ARSB: variants seen among roughly 807,000 people sequenced by gnomAD.
ARSB encodes arylsulfatase B.
A neutral mutation model predicts 50.9 loss-of-function variants in ARSB; 41 were observed. That is an observed-to-expected ratio of 0.81 (90% CI 0.63 to 1.04). ARSB has a LOEUF of 1.04. Ranked by LOEUF, ARSB falls within the 50% of genes least tolerant of loss-of-function variation. ARSB has a pLI of 0.00. For synonymous variants in ARSB, 269 were observed against 284.8 expected, an observed-to-expected ratio of 0.94 and a Z score of 0.56; for missense variants, 672 against 693.3, an observed-to-expected ratio of 0.97 and a Z score of 0.35.
chr5:78,985,119 G>A lies in ARSB; in HGVS notation c.130C>T (p.Pro44Ser), dbSNP rs773967601. Residue 44 changes from proline to serine, a missense_variant, in exon 1 of 8, where the codon CCG (proline) becomes TCG (serine). Physicochemically the swap from Pro to Ser is moderately conservative, Grantham distance 74. Coordinates refer to ENST00000264914, the MANE Select transcript of ARSB (RefSeq NM_000046.5). The stretch of plus-strand genomic sequence containing the variant: ...GCCAGCAAGAAGACCAGGTGGGGCG[G>A]CCGGCTGGCCCCGGCGCCCGAGCCC... Reference protein sequence around the residue: ...PPGSGAGASRPPHLVFLLADD... With the variant: ...PPGSGAGASRSPHLVFLLADD... 2.0e-6 allele frequency: 3 copies of A among 1,490,642 alleles called. No homozygotes were observed. Among genetic ancestry groups the A allele is most frequent in the East Asian group, 2.8e-5 (1 of 35,850 alleles). 92.3% of individuals were successfully genotyped at this position (1,490,642 alleles called of 1,614,324 possible).
Position 78,906,553 on chromosome 5 carries a change from C to A in ARSB, c.899-20726G>T, listed in dbSNP as rs10042203. 6.5e-3 allele frequency among the ~76,000 whole-genome samples: 982 copies of A among 152,234 alleles called. 5 individuals are homozygous for A. Among genetic ancestry groups the A allele is most frequent in the Non-Finnish European group, 9.6e-3 (653 of 67,996 alleles). On this transcript the variant is annotated intron_variant, in intron 4 of 7. Coordinates refer to ENST00000264914, the MANE Select transcript of ARSB (RefSeq NM_000046.5). ...TCCAAAACTCACCACACAAGGGATT[C>A]ATGAAGCTTTGACTTTATTCCCCAT... is the stretch of plus-strand genomic sequence containing the variant.
intron 6 of ARSB, among the ~76,000 whole-genome samples, chr5:78,802,896 A>G (rs1437658332): frequency 2.0e-5 from 3 of 152,190 alleles, no homozygotes; most frequent in African/African-American, 7.2e-5. Flanking sequence ...GGCCAGGATA[A>G]AACTGTGGTC....
intron 5 of ARSB, among the ~76,000 whole-genome samples, chr5:78,869,357 TAC>T (rs1746992443): frequency 7.1e-6 from 1 of 141,002 alleles, no homozygotes; most frequent in Non-Finnish European, 1.5e-5. Flanking sequence ...CAACAGAATA[TAC>T]ATTTTTTTCA....
At chr5:78,984,071 T>C (rs1180370476) in intron 1 of ARSB, among the ~76,000 whole-genome samples, 1 of 152,210 alleles carries the variant, frequency 6.6e-6, no homozygotes, top group Non-Finnish European at 1.5e-5. Context: ...GGACGACCAG[T>C]GGATGCAGGA....
chr5:78,788,790 A>G (rs552558497), intron 6 of ARSB, among the ~76,000 whole-genome samples: 1 of 152,072 alleles, frequency 6.6e-6, no homozygotes. Context: ...TAGAAAAAAA[A>G]TTTTTAAAGA....
At chr5:78,953,393 A>C (rs1467212468) in intron 4 of ARSB, among the ~76,000 whole-genome samples, 2 of 152,228 alleles carry the variant, frequency 1.3e-5, no homozygotes, top group Non-Finnish European at 2.9e-5. Flanking sequence ...TTCAGTTCTC[A>C]CATCTGCAAG....
chr5:78,958,992 T>C (rs572177535), intron 3 of ARSB, among the ~76,000 whole-genome samples: 2 of 152,318 alleles, frequency 1.3e-5, no homozygotes, highest in Admixed American at 1.3e-4. Flanking sequence ...CTAAATTTTG[T>C]CTATGTAAGT....
intron 6 of ARSB, among the ~76,000 whole-genome samples, chr5:78,804,262 A>G (rs1743491072): frequency 6.6e-6 from 1 of 152,256 alleles, no homozygotes; most frequent in South Asian, 2.1e-4. Context: ...GAAAAAAAAA[A>G]GTGTTTCACT....
intron 6 of ARSB, among the ~76,000 whole-genome samples, chr5:78,816,586 C>T (rs1346346038): frequency 2.6e-5 from 4 of 152,332 alleles, no homozygotes; most frequent in East Asian, 3.9e-4. Flanking sequence ...GGTTACTAAT[C>T]AGAGAGCATC....
Position 78,833,844 on chromosome 5 carries a change from C to T in ARSB, c.1213+5512G>A, listed in dbSNP as rs539287424. 5.3e-5 allele frequency among the ~76,000 whole-genome samples: 8 copies of T among 152,266 alleles called. No homozygotes were observed. In the South Asian group the frequency reaches 1.7e-3, roughly 32 times the overall value. On this transcript the variant is annotated intron_variant, in intron 6 of 7. Transcript: ENST00000264914. ...TGGCCGATCTTTTCAATGCAGGGAG[C>T]GATGAGGGTGGGCACTTAGAAGCTG...
chr5:78,981,914 C>CTTTTT lies in ARSB; in HGVS notation c.312+3018_312+3022dup, dbSNP rs1202455685. ...GACTGCCAAGTTCATAGATATGACT[C>CTTTTT]TTTTTTTTTTTTTTTTTTTTGAGAC... On this transcript the variant is annotated intron_variant, in intron 1 of 7. Transcript: ENST00000264914. 5.6e-5 allele frequency among the ~76,000 whole-genome samples: 3 copies of CTTTTT among 53,836 alleles called. 1 individual carries two copies. Among genetic ancestry groups the CTTTTT allele is most frequent in the Non-Finnish European group, 1.1e-4 (3 of 26,272 alleles). 35.3% of individuals were successfully genotyped at this position (53,836 alleles called of 152,430 possible).
chr5:78,817,673 G>A (rs143494462), intron 6 of ARSB, among the ~76,000 whole-genome samples: 4 of 152,070 alleles, frequency 2.6e-5, no homozygotes, highest in East Asian at 3.9e-4. Context: ...GCTGGGTGTG[G>A]TGCCATATGC....
At chr5:78,864,956 G>A (rs1746637842) in intron 5 of ARSB, among the ~76,000 whole-genome samples, 1 of 152,232 alleles carries the variant, frequency 6.6e-6, no homozygotes, top group South Asian at 2.1e-4. Flanking sequence ...GGGCAGCTCT[G>A]CCCCTGTGGC....
At chr5:78,812,939 C>T (rs886338087) in intron 6 of ARSB, among the ~76,000 whole-genome samples, 6 of 152,140 alleles carry the variant, frequency 3.9e-5, no homozygotes, top group Admixed American at 6.5e-5. Context: ...TGCAGTGAGC[C>T]GTGCTCACAC....
At chr5:78,850,373 G>A (rs1485697208) in intron 5 of ARSB, among the ~76,000 whole-genome samples, 24 of 152,126 alleles carry the variant, frequency 1.6e-4, no homozygotes, top group Middle Eastern at 3.4e-3. Context: ...ATTGATTTGC[G>A]TATATTGAAC....
intron 6 of ARSB, among the ~76,000 whole-genome samples, chr5:78,786,160 C>G (rs1340134689): frequency 6.6e-6 from 1 of 152,128 alleles, no homozygotes; most frequent in East Asian, 1.9e-4. Context: ...CATTTACTCC[C>G]ACACCCTCCA....
intron 5 of ARSB, among the ~76,000 whole-genome samples, chr5:78,849,874 G>A (rs1369445508): frequency 1.1e-4 from 16 of 150,368 alleles, no homozygotes; most frequent in African/African-American, 3.6e-4. Flanking sequence ...TCTGTTATTG[G>A]TGTATAAGAA....
intron 3 of ARSB, among the ~76,000 whole-genome samples, chr5:78,960,997 A>G (rs551725634): frequency 2.0e-5 from 3 of 152,384 alleles, no homozygotes; most frequent in African/African-American, 7.2e-5. Flanking sequence ...AATGGTAATT[A>G]GCAGTACCTT....
At chr5:78,881,525 T>C (rs1000746722) in intron 5 of ARSB, among the ~76,000 whole-genome samples, 1 of 152,034 alleles carries the variant, frequency 6.6e-6, no homozygotes, top group Non-Finnish European at 1.5e-5. Context: ...GTAAAATAAG[T>C]GGAAAAGCAC....
Sources: allele counts gnomAD v4.1 joint callset (sites outside exome capture counted in the v4.1 genomes callset), GRCh38; gene constraint gnomAD v4.1.1; transcripts MANE v1.5; gene names NCBI Gene and HGNC (gene_info 2026-07-23, HGNC 2026-07-21).